The following FSTL4 variants were observed in gnomAD, a reference collection of about 807,000 sequenced individuals.
FSTL4 encodes the protein follistatin-related protein 4.
Under a neutral mutation model 78.2 loss-of-function variants are expected in FSTL4, and 28 were observed. That is an observed-to-expected ratio of 0.36 (90% CI 0.27 to 0.49). The LOEUF is 0.49. Among genes scored for constraint, FSTL4 ranks in the 20% least tolerant of loss-of-function variants. The probability of loss-of-function intolerance (pLI) is 0.98; values close to 1 mark genes in which losing one functional copy is unlikely to be tolerated. For synonymous variants in FSTL4, 422 were observed against 440.5 expected (o/e 0.96, Z 0.53); for missense variants, 922 against 1,084.9 (o/e 0.85, Z 2.11).
Position 133,210,269 on chromosome 5 carries a change from C to T in FSTL4, c.1638G>A (p.Lys546=). ...QSIGVDPLPA[K]LSYDKSHDQV... ...GGTCATGTGACTTGTCATAGGACAGCTTAGCCGGCAGAGGGTCCACACCTA... is the reference window on the plus strand; with the variant it reads ...GGTCATGTGACTTGTCATAGGACAGTTTAGCCGGCAGAGGGTCCACACCTA... Residue 546 remains lysine, a synonymous_variant, in exon 14 of 16, where the codon AAG becomes AAA. Coordinates refer to ENST00000265342, the MANE Select transcript of FSTL4 (RefSeq NM_015082.2). The T allele has an allele frequency of 6.2e-7, 1 of 1,611,116 alleles. No individual in the cohort carries two copies. Among genetic ancestry groups the T allele is most frequent in the Non-Finnish European group, 8.5e-7 (1 of 1,177,720 alleles).
At position 133,440,964 on chromosome 5, in the gene FSTL4, C is replaced by T. The variant is rs1368975157; in HGVS notation, c.161-39978G>A. Reference sequence around the variant, plus strand: ...GATAGTCAGAAAAAGGAAGAAAACACTCCCGGTGTCAGGGCCTGCACAGCA... The same window carrying T: ...GATAGTCAGAAAAAGGAAGAAAACATTCCCGGTGTCAGGGCCTGCACAGCA... On this transcript the variant is annotated intron_variant, in intron 3 of 15. Transcript: ENST00000265342. This position sits in a 1 kb window ranked among gnomAD's most constrained non-coding sequence, Gnocchi z 4.1. Among the ~76,000 whole-genome samples, 3 of 152,202 alleles carry T rather than the reference C, an allele frequency of 2.0e-5. No individual in the cohort carries two copies. The highest frequency in any genetic ancestry group is 7.2e-5 in the African/African-American group (3 of 41,454).
chr5:133,239,185 C>T (rs1021339510), intron 7 of FSTL4, among the ~76,000 whole-genome samples: 2 of 152,148 alleles, frequency 1.3e-5, no homozygotes, highest in Admixed American at 6.5e-5. Context: ...CCCTGCGGGG[C>T]AAGGCTCAGG....
At chr5:133,313,240 C>A (rs1753830773) in intron 5 of FSTL4, among the ~76,000 whole-genome samples, 1 of 152,192 alleles carries the variant, frequency 6.6e-6, no homozygotes, top group African/African-American at 2.4e-5. Flanking sequence ...GCATCATGCA[C>A]CCACCCATCA....
At chr5:133,212,846 C>T (rs561827664) in intron 13 of FSTL4, among the ~76,000 whole-genome samples, 72 of 151,592 alleles carry the variant, frequency 4.7e-4, no homozygotes, top group South Asian at 4.2e-4. Flanking sequence ...CTAAAGATCA[C>T]GGAGAAAAAT....
At position 133,239,063 on chromosome 5, in the gene FSTL4, G is replaced by A. The variant is rs6867966; in HGVS notation, c.895-5526C>T. Among the ~76,000 whole-genome samples, 157 of 152,320 alleles carry A rather than the reference G, an allele frequency of 1.0e-3. 1 individual carries two copies. Among genetic ancestry groups the A allele is most frequent in the Admixed American group, 1.6e-3 (24 of 15,310 alleles). ...GTGAGTTTCGGGTGGGCATGGGCTC[G>A]GCGGGCCCCGCACTCGGAGTGGCTG... On this transcript the variant is annotated intron_variant, in intron 7 of 15. Transcript: ENST00000265342.
intron 3 of FSTL4, among the ~76,000 whole-genome samples, chr5:133,450,806 A>G (rs1053723861): frequency 6.6e-6 from 1 of 152,224 alleles, no homozygotes; most frequent in African/African-American, 2.4e-5. Context: ...GATCAGATCC[A>G]TCAGGGAGCT....
At chr5:133,699,061 C>G in the FSTL4 span, among the ~76,000 whole-genome samples, 47,982 of 152,120 alleles carry the variant, frequency 0.32, 7,845 homozygotes, top group African/African-American at 0.39. Flanking sequence ...CAATGGTGTC[C>G]TGGAGGTCAG....
chr5:133,370,882 A>G (rs556495179), intron 4 of FSTL4, among the ~76,000 whole-genome samples: 2 of 152,300 alleles, frequency 1.3e-5, no homozygotes, highest in East Asian at 1.9e-4. Context: ...AGGGAAAGGC[A>G]GGTTGGGGTC....
chr5:133,467,028 G>A (rs1280442459), intron 3 of FSTL4, among the ~76,000 whole-genome samples: 1 of 151,868 alleles, frequency 6.6e-6, no homozygotes, highest in African/African-American at 2.4e-5. Context: ...ATGTGTGAGT[G>A]TATGTGAGAG....
the FSTL4 span, among the ~76,000 whole-genome samples, chr5:133,838,178 G>A: frequency 1.3e-5 from 2 of 152,238 alleles, no homozygotes; most frequent in South Asian, 2.1e-4. Context: ...ATGAGCCACC[G>A]TGCCCAGCCA....
intron 3 of FSTL4, among the ~76,000 whole-genome samples, chr5:133,552,421 G>A (rs891544641): frequency 1.3e-5 from 2 of 152,156 alleles, no homozygotes; most frequent in African/African-American, 2.4e-5. Context: ...TCAGAGACAC[G>A]GCTGCTCTCA....
At chr5:133,371,167 C>T (rs948711775) in intron 4 of FSTL4, among the ~76,000 whole-genome samples, 1 of 152,220 alleles carries the variant, frequency 6.6e-6, no homozygotes, top group African/African-American at 2.4e-5. Flanking sequence ...AGAGGGTCAC[C>T]AACCCCAGGC....
In FSTL4 at chr5:133,426,155, A is replaced by G. The variant is rs1306633901; in HGVS notation, c.161-25169T>C. 6.6e-6 allele frequency among the ~76,000 whole-genome samples: 1 copy of G among 152,194 alleles called. No homozygotes were observed. Among genetic ancestry groups the G allele is most frequent in the Non-Finnish European group, 1.5e-5 (1 of 68,034 alleles). On this transcript the variant is annotated intron_variant, in intron 3 of 15. Coordinates refer to ENST00000265342, the MANE Select transcript of FSTL4 (RefSeq NM_015082.2). This position sits in a 1 kb window ranked among gnomAD's most constrained non-coding sequence, Gnocchi z 5.0. ...AGAGTGTGCCTTTGATCTCAAAAGA[A>G]GTCATCTTTCCCAGTTAGGAATTTT...
chr5:133,740,942 TGGA>T, the FSTL4 span, among the ~76,000 whole-genome samples: 6 of 140,854 alleles, frequency 4.3e-5, no homozygotes, highest in Non-Finnish European at 7.4e-5. Flanking sequence ...TCTGGATGGA[TGGA>T]TGGATGGATG....
chr5:133,514,529 T>C (rs183116559), intron 3 of FSTL4, among the ~76,000 whole-genome samples: 28 of 152,248 alleles, frequency 1.8e-4, no homozygotes, highest in African/African-American at 6.5e-4. Flanking sequence ...GGGCAGGCAA[T>C]AGAGTTTCCA....
At chr5:133,639,637 C>T in the FSTL4 span, among the ~76,000 whole-genome samples, 3 of 152,166 alleles carry the variant, frequency 2.0e-5, no homozygotes, top group Non-Finnish European at 2.9e-5. Flanking sequence ...CTCCTACTCT[C>T]GGGCCATCTG....
chr5:133,473,399 C>A (rs1757864227), intron 3 of FSTL4, among the ~76,000 whole-genome samples: 1 of 152,088 alleles, frequency 6.6e-6, no homozygotes, highest in South Asian at 2.1e-4. Flanking sequence ...TGCAGTGTGT[C>A]CCTCCCATGG....
At chr5:133,407,915 C>A (rs1200988185) in intron 3 of FSTL4, among the ~76,000 whole-genome samples, 1 of 152,180 alleles carries the variant, frequency 6.6e-6, no homozygotes, top group East Asian at 1.9e-4. Context: ...AGTGCAGACG[C>A]TGATTCAGAG....
At chr5:133,749,905 G>A in the FSTL4 span, among the ~76,000 whole-genome samples, 76 of 152,270 alleles carry the variant, frequency 5.0e-4, no homozygotes, top group African/African-American at 1.7e-3. Context: ...CAGCTCAAGT[G>A]ACATTGTGAA....
Sources: gnomAD v4.1 joint callset for allele counts (sites outside exome capture counted in the v4.1 genomes callset) on GRCh38, gnomAD v4.1.1 for gene constraint, Gnocchi (gnomAD v3.1) non-coding constraint, MANE v1.5 for transcripts, NCBI Gene and HGNC (gene_info 2026-07-23, HGNC 2026-07-21) for gene names.